The following PDE2A variants were observed in gnomAD, a reference collection of about 807,000 sequenced individuals.
The protein encoded by PDE2A is phosphodiesterase 2A, also known as cGMP-dependent 3',5'-cyclic phosphodiesterase.
PDE2A carries 53 observed loss-of-function variants against 133.6 expected under a neutral mutation model. The ratio of observed to expected loss-of-function variants is 0.40; its 90% CI spans 0.32 to 0.50. PDE2A has a LOEUF of 0.50. Among genes scored for constraint, PDE2A ranks in the 20% least tolerant of loss-of-function variants. The probability of loss-of-function intolerance (pLI) is 0.73; values close to 1 mark genes in which losing one functional copy is unlikely to be tolerated. For missense variants in PDE2A, 796 were observed against 1,232.4 expected, an observed-to-expected ratio of 0.65 and a Z score of 5.30; for synonymous variants, 491 against 490.2, an observed-to-expected ratio of 1.00 and a Z score of -0.02.
chr11:72,673,398 TACACACAC>T (rs10552751), intron 1 of PDE2A, among the ~76,000 whole-genome samples: 1 of 148,356 alleles, frequency 6.7e-6, no homozygotes, highest in Non-Finnish European at 1.5e-5. Context: ...TCCACATGTA[TACACACAC>T]ACACACACAC....
intron 1 of PDE2A, chr11:72,652,787 C>A (rs906123521): frequency 1.1e-5 from 5 of 449,156 alleles, no homozygotes; most frequent in African/African-American, 1.0e-4. Context: ...CAAGCTTGTG[C>A]CTCTTGCAGC....
intron 2 of PDE2A, among the ~76,000 whole-genome samples, chr11:72,629,806 G>A (rs1858279800): frequency 6.6e-6 from 1 of 152,120 alleles, no homozygotes; most frequent in South Asian, 2.1e-4. Flanking sequence ...GATCCCTCTG[G>A]GCCTCAGCTT....
chr11:72,596,252 G>A (rs911674092), intron 6 of PDE2A, among the ~76,000 whole-genome samples: 2 of 152,104 alleles, frequency 1.3e-5, no homozygotes, highest in African/African-American at 2.4e-5. Flanking sequence ...TTAGTGCTGC[G>A]TACGCCAAAG....
At chr11:72,616,128 C>T (rs945092257) in intron 2 of PDE2A, among the ~76,000 whole-genome samples, 38 of 152,160 alleles carry the variant, frequency 2.5e-4, no homozygotes, top group African/African-American at 9.2e-4. Context: ...CTGAGTGTCC[C>T]GCTGGGTCAG....
chr11:72,615,787 G>A (rs1009751064), intron 2 of PDE2A, among the ~76,000 whole-genome samples: 6 of 152,314 alleles, frequency 3.9e-5, no homozygotes, highest in East Asian at 3.9e-4. Flanking sequence ...TGGGGCCCAC[G>A]AGGCAGCTCG....
At chr11:72,620,007 G>A (rs1248940587) in intron 2 of PDE2A, among the ~76,000 whole-genome samples, 1 of 152,086 alleles carries the variant, frequency 6.6e-6, no homozygotes, top group Non-Finnish European at 1.5e-5. Flanking sequence ...CCAATTCTCT[G>A]GGCAGATGCG....
At chr11:72,602,099 G>A (rs1856771587) in intron 4 of PDE2A, among the ~76,000 whole-genome samples, 1 of 152,194 alleles carries the variant, frequency 6.6e-6, no homozygotes, top group Non-Finnish European at 1.5e-5. Flanking sequence ...TTCTGGTCAG[G>A]CCATGAAAGA....
At chr11:72,586,852 C>T (rs1254089753) in intron 13 of PDE2A, among the ~76,000 whole-genome samples, 1 of 152,190 alleles carries the variant, frequency 6.6e-6, no homozygotes, top group Non-Finnish European at 1.5e-5. Context: ...CACTTTTTGG[C>T]TGGCCTTGGT....
At chr11:72,604,265 CT>C (rs1591055898) in intron 4 of PDE2A, among the ~76,000 whole-genome samples, 2 of 152,356 alleles carry the variant, frequency 1.3e-5, no homozygotes, top group East Asian at 3.9e-4. Context: ...CTTCCTCTCA[CT>C]TTCCCCTAAA....
chr11:72,612,637 T>G (rs1254168961), intron 2 of PDE2A, among the ~76,000 whole-genome samples: 2 of 147,066 alleles, frequency 1.4e-5, no homozygotes, highest in African/African-American at 2.5e-5. Flanking sequence ...AGTGGGTAGG[T>G]GGATAGATGA....
chr11:72,646,470 G>A (rs1157091836), intron 1 of PDE2A, among the ~76,000 whole-genome samples: 1 of 152,196 alleles, frequency 6.6e-6, no homozygotes, highest in Non-Finnish European at 1.5e-5. Context: ...GGTTACTATA[G>A]GAATGTGAAC....
At position 72,672,515 on chromosome 11, in the gene PDE2A, T is replaced by C. The variant is rs150505099; in HGVS notation, c.71+1622A>G. 1.2e-4 allele frequency among the ~76,000 whole-genome samples: 19 copies of C among 152,266 alleles called. No homozygotes were observed. In the East Asian group the frequency reaches 3.5e-3, roughly 28 times the overall value. On this transcript the variant is annotated intron_variant, in intron 1 of 30. Transcript: ENST00000334456. ...GCAGGTTTCTAGAACCCAAATCTGA[T>C]CATGTCTCTCCCCTATATAAAACCT...
chr11:72,615,887 T>C (rs3781933), intron 2 of PDE2A, among the ~76,000 whole-genome samples: 22,789 of 152,140 alleles, frequency 0.15, 2,497 homozygotes, highest in East Asian at 0.47. Flanking sequence ...AGGGGGCTCC[T>C]AGTCCCCAAG....
rs117812274 is a variant in PDE2A, at chr11:72,607,837, G to A, written c.234+825C>T. 5.3e-5 allele frequency among the ~76,000 whole-genome samples: 8 copies of A among 152,252 alleles called. No homozygotes were observed. The East Asian group carries it at 1.4e-3, about 26-fold the overall frequency. On this transcript the variant is annotated intron_variant, in intron 3 of 30. Coordinates refer to ENST00000334456, the MANE Select transcript of PDE2A (RefSeq NM_002599.5). ...TCAAGGCTATCAGGACTCAGTTAGG[G>A]CATCTCCTCCTCCAGGAAGTCTTCC... is the stretch of plus-strand genomic sequence containing the variant.
intron 4 of PDE2A, among the ~76,000 whole-genome samples, chr11:72,601,324 C>G (rs1856740987): frequency 7.2e-6 from 1 of 139,296 alleles, no homozygotes; most frequent in Admixed American, 7.2e-5. Context: ...TCACTGGGCC[C>G]CCATCCCCTC....
rs556339918 is a variant in PDE2A, at chr11:72,640,617, C to T, written c.144+1637G>A. On this transcript the variant is annotated intron_variant, in intron 2 of 30. Coordinates refer to ENST00000334456, the MANE Select transcript of PDE2A (RefSeq NM_002599.5). ...TGCCATAGTGACTCTAAGCCAGCCACCTAGGCTGCAAACACATTGGCACAC... is the reference window on the plus strand; with the variant it reads ...TGCCATAGTGACTCTAAGCCAGCCATCTAGGCTGCAAACACATTGGCACAC... Among the ~76,000 whole-genome samples the T allele has an allele frequency of 2.0e-5, 3 of 152,304 alleles. No individual in the cohort carries two copies. The South Asian group carries it at 6.2e-4, about 32-fold the overall frequency.
chr11:72,642,617 T>A (rs968475762), intron 1 of PDE2A, among the ~76,000 whole-genome samples: 1 of 151,614 alleles, frequency 6.6e-6, no homozygotes, highest in Non-Finnish European at 1.5e-5. Context: ...TGTCTCGCCC[T>A]GGGTTCCCTC....
At position 72,674,373 on chromosome 11, in the gene PDE2A, G is replaced by A. The variant is rs1490178398; in HGVS notation, c.-166C>T. 8.2e-6 allele frequency: 5 copies of A among 609,468 alleles called. No individual in the cohort carries two copies. The highest frequency in any genetic ancestry group is 4.2e-5 in the South Asian group (2 of 47,254). 37.8% of individuals were successfully genotyped at this position (609,468 alleles called of 1,614,324 possible). A position where few individuals can be genotyped will look rare whatever the true frequency, so the allele number is the denominator to read the frequency against. ...CACCCCAATCCAGCTCTGCTGCCCC[G>A]CTGCTCCCGCCTCTCCCGCTGCCAC... is the stretch of plus-strand genomic sequence containing the variant. On this transcript the variant is annotated 5_prime_UTR_variant, in exon 1 of 31. Transcript: ENST00000334456.
At chr11:72,605,068 T>G in intron 4 of PDE2A, 70 bp downstream of exon 4, 4 of 979,668 alleles carry the variant, frequency 4.1e-6, no homozygotes, top group Admixed American at 1.8e-5. Context: ...CAGATGACCT[T>G]GGATGGTGCC....
Sources: gnomAD v4.1 joint callset for allele counts (sites outside exome capture counted in the v4.1 genomes callset) on GRCh38, gnomAD v4.1.1 for gene constraint, MANE v1.5 for transcripts, NCBI Gene and HGNC (gene_info 2026-07-23, HGNC 2026-07-21) for gene names.